The following GRIN2A variants were observed in gnomAD, a reference collection of about 807,000 sequenced individuals.
GRIN2A encodes glutamate ionotropic receptor NMDA type subunit 2A.
GRIN2A carries 22 observed loss-of-function variants against 113.4 expected under a neutral mutation model. The observed-to-expected ratio is 0.19, with a 90% CI of 0.14 to 0.28. The LOEUF (loss-of-function observed/expected upper bound fraction) is 0.28, where lower values mean the gene tolerates loss of function less well. GRIN2A is among the 10% of genes least tolerant of loss of function. The pLI, the probability that GRIN2A is intolerant of heterozygous loss-of-function variation, is 1.00. For synonymous variants in GRIN2A, 827 were observed against 738.4 expected, an observed-to-expected ratio of 1.12 and a Z score of -1.94; for missense variants, 1,502 against 1,887.0, an observed-to-expected ratio of 0.80 and a Z score of 3.78.
chr16:10,010,896 G>A (rs988171197), intron 2 of GRIN2A, among the ~76,000 whole-genome samples: 5 of 152,206 alleles, frequency 3.3e-5, no homozygotes, highest in Admixed American at 2.6e-4. Context: ...TATCCTGTGA[G>A]CATAGTCCTC....
At chr16:9,885,651 G>A (rs923378751) in intron 4 of GRIN2A, among the ~76,000 whole-genome samples, 9 of 152,168 alleles carry the variant, frequency 5.9e-5, no homozygotes, top group African/African-American at 9.6e-5. Flanking sequence ...AATCGCCTCC[G>A]AGTCCCAGAA....
chr16:10,121,679 T>C (rs2048836355), intron 2 of GRIN2A: 1 of 152,182 alleles, frequency 6.6e-6, no homozygotes, highest in African/African-American at 2.4e-5. Context: ...CTGCCTGAGT[T>C]GAGATCATTA....
rs1446734451 is a variant in GRIN2A, at chr16:9,753,935, A to G, written c.*9214T>C. 2 of 178,580 alleles carry G rather than the reference A, an allele frequency of 1.1e-5. No individual in the cohort carries two copies. Among genetic ancestry groups the G allele is most frequent in the Non-Finnish European group, 2.4e-5 (2 of 83,314 alleles). The allele number at this position is 178,580 out of a possible 1,614,324, so 11.1% of individuals were successfully genotyped here. A position where few individuals can be genotyped will look rare whatever the true frequency, so the allele number is the denominator to read the frequency against. On this transcript the variant is annotated 3_prime_UTR_variant, in exon 13 of 13. Coordinates refer to ENST00000330684, the MANE Select transcript of GRIN2A (RefSeq NM_001134407.3). ...CCTAGCCTTGTTGGGTTAAAAATGG[A>G]CTCAGACATAAACCTGGATAGCTGC...
At chr16:9,982,492 G>A (rs960394941) in intron 2 of GRIN2A, among the ~76,000 whole-genome samples, 2 of 152,142 alleles carry the variant, frequency 1.3e-5, no homozygotes, top group Admixed American at 6.5e-5. Flanking sequence ...CAGCTATTTG[G>A]CCTGAGGAAG....
chr16:10,119,739 T>A (rs1184129554), intron 2 of GRIN2A, among the ~76,000 whole-genome samples: 2 of 152,104 alleles, frequency 1.3e-5, no homozygotes, highest in East Asian at 3.9e-4. Flanking sequence ...CCTCCCACCC[T>A]CCGCCCTCGA....
At chr16:10,008,478 G>A (rs1179491356) in intron 2 of GRIN2A, among the ~76,000 whole-genome samples, 1 of 152,178 alleles carries the variant, frequency 6.6e-6, no homozygotes, top group Non-Finnish European at 1.5e-5. Flanking sequence ...GGGTGGAGTT[G>A]TTTCCAACAA....
chr16:9,904,312 A>C (rs1387283715), intron 3 of GRIN2A, among the ~76,000 whole-genome samples: 1 of 152,112 alleles, frequency 6.6e-6, no homozygotes, highest in Non-Finnish European at 1.5e-5. Flanking sequence ...GTCTTCCTAA[A>C]GTGTACTCAC....
In GRIN2A at chr16:10,180,911, G is replaced by C. The variant is rs1315161286; in HGVS notation, c.-18-482C>G. 2 of 189,788 alleles carry C rather than the reference G, an allele frequency of 1.1e-5. No homozygotes were observed. The highest frequency in any genetic ancestry group is 2.2e-5 in the Non-Finnish European group (2 of 90,296). 11.8% of individuals were successfully genotyped at this position (189,788 alleles called of 1,614,324 possible). A position where few individuals can be genotyped will look rare whatever the true frequency, so the allele number is the denominator to read the frequency against. ...GAGCGAACTACAGACCCCGCAGGGCGTGCGGAGGCGGCACCCAGACCCCGC... is the reference window on the plus strand; with the variant it reads ...GAGCGAACTACAGACCCCGCAGGGCCTGCGGAGGCGGCACCCAGACCCCGC... On this transcript the variant is annotated intron_variant, in intron 1 of 12. Coordinates refer to ENST00000330684, the MANE Select transcript of GRIN2A (RefSeq NM_001134407.3). This position sits in a 1 kb window ranked among gnomAD's most constrained non-coding sequence, Gnocchi z 7.0.
chr16:9,959,277 C>T (rs995062481), intron 2 of GRIN2A, among the ~76,000 whole-genome samples: 6 of 152,170 alleles, frequency 3.9e-5, no homozygotes, highest in African/African-American at 1.4e-4. Flanking sequence ...GATAAAAAGC[C>T]TCACTCATTT....
chr16:10,077,166 C>T (rs1161108094), intron 2 of GRIN2A, among the ~76,000 whole-genome samples: 4 of 152,170 alleles, frequency 2.6e-5, no homozygotes, highest in African/African-American at 9.7e-5. Flanking sequence ...ATGGATTCTC[C>T]CCTGCAGCCT....
intron 2 of GRIN2A, among the ~76,000 whole-genome samples, chr16:10,088,957 C>A (rs1167937259): frequency 1.3e-5 from 2 of 152,332 alleles, no homozygotes; most frequent in East Asian, 3.9e-4. Flanking sequence ...CTTCTCTATG[C>A]CCCATTACAT....
At chr16:9,844,388 G>C (rs1306508822) in intron 5 of GRIN2A, among the ~76,000 whole-genome samples, 1 of 152,200 alleles carries the variant, frequency 6.6e-6, no homozygotes, top group Non-Finnish European at 1.5e-5. Flanking sequence ...AAAGGCAATA[G>C]TTGAATTTAT....
chr16:9,907,521 G>A (rs199689233), intron 3 of GRIN2A, among the ~76,000 whole-genome samples: 2 of 152,048 alleles, frequency 1.3e-5, no homozygotes, highest in Non-Finnish European at 2.9e-5. Context: ...TGATGGAACG[G>A]CTCTGAATCC....
At chr16:10,043,647 C>G (rs1437509712) in intron 2 of GRIN2A, among the ~76,000 whole-genome samples, 2 of 152,048 alleles carry the variant, frequency 1.3e-5, no homozygotes, top group Non-Finnish European at 2.9e-5. Flanking sequence ...CTGCTCTGAA[C>G]CCCCACTGTA....
At chr16:9,865,201 G>T (rs555062817) in intron 4 of GRIN2A, among the ~76,000 whole-genome samples, 1 of 152,268 alleles carries the variant, frequency 6.6e-6, no homozygotes, top group South Asian at 2.1e-4. Context: ...TTAAAAACGT[G>T]ATTATTCTAA....
chr16:9,768,747 G>C (rs544051148), intron 12 of GRIN2A, 104 bp downstream of exon 12: 1 of 822,102 alleles, frequency 1.2e-6, no homozygotes, highest in South Asian at 1.3e-5. Flanking sequence ...GCCCAAGAAA[G>C]GCTGGTAAGG....
intron 4 of GRIN2A, among the ~76,000 whole-genome samples, chr16:9,873,335 C>G (rs897660239): frequency 1.3e-5 from 2 of 152,110 alleles, no homozygotes; most frequent in African/African-American, 4.8e-5. Context: ...TTGTATACCC[C>G]ATACATTTAA....
intron 4 of GRIN2A, among the ~76,000 whole-genome samples, chr16:9,856,620 A>G (rs534889529): frequency 2.1e-5 from 3 of 143,116 alleles, no homozygotes; most frequent in Non-Finnish European, 3.0e-5. Flanking sequence ...GTGAGACTCC[A>G]TCTCAAAAAA....
intron 2 of GRIN2A, among the ~76,000 whole-genome samples, chr16:9,951,300 C>G (rs756688537): frequency 6.6e-6 from 1 of 152,228 alleles, no homozygotes; most frequent in Non-Finnish European, 1.5e-5. Context: ...TAACACAATA[C>G]AGAGCATCCT....
Sources: gnomAD v4.1 joint callset for allele counts (sites outside exome capture counted in the v4.1 genomes callset) on GRCh38, gnomAD v4.1.1 for gene constraint, Gnocchi (gnomAD v3.1) non-coding constraint, MANE v1.5 for transcripts, NCBI Gene and HGNC (gene_info 2026-07-23, HGNC 2026-07-21) for gene names.